The following CNTN3 variants were observed in gnomAD, a reference collection of about 807,000 sequenced individuals.
CNTN3 encodes contactin-3.
In CNTN3, 60 loss-of-function variants were observed where a neutral mutation model predicts 119.1. The observed-to-expected ratio is 0.50, with a 90% CI of 0.41 to 0.62. The LOEUF (loss-of-function observed/expected upper bound fraction) is 0.62, where lower values mean the gene tolerates loss of function less well. Among genes scored for constraint, CNTN3 ranks in the 20% least tolerant of loss-of-function variants. The probability of loss-of-function intolerance (pLI) is 0.00; values close to 1 mark genes in which losing one functional copy is unlikely to be tolerated. For synonymous variants in CNTN3, 450 were observed against 438.7 expected, an observed-to-expected ratio of 1.03 and a Z score of -0.32; for missense variants, 1,101 against 1,242.4, an observed-to-expected ratio of 0.89 and a Z score of 1.71.
chr3:74,351,394 T>C (rs973983834), intron 11 of CNTN3, among the ~76,000 whole-genome samples: 1 of 152,144 alleles, frequency 6.6e-6, no homozygotes, highest in African/African-American at 2.4e-5. Context: ...CCCACGAGGC[T>C]GACTAACTCT....
At chr3:74,303,698 C>T (rs78418044) in intron 13 of CNTN3, among the ~76,000 whole-genome samples, 2,354 of 152,136 alleles carry the variant, frequency 0.015, 60 homozygotes, top group African/African-American at 0.053. Context: ...ACTCTGTCTC[C>T]GCCTCCAAAA....
Position 74,430,280 on chromosome 3 carries a change from C to T in CNTN3, c.359-5340G>A, listed in dbSNP as rs80128329. Among the ~76,000 whole-genome samples the T allele has an allele frequency of 4.1e-4, 62 of 152,296 alleles. No individual in the cohort carries two copies. In the East Asian group the frequency reaches 9.7e-3, roughly 24 times the overall value. ...GTGAATGGCTAAATGCACAGTGCTA[C>T]ATCCATACCATGGAATGCTACCCTG... On this transcript the variant is annotated intron_variant, in intron 4 of 22. Coordinates refer to ENST00000263665, the MANE Select transcript of CNTN3 (RefSeq NM_020872.3).
intron 4 of CNTN3, among the ~76,000 whole-genome samples, chr3:74,467,209 A>G (rs1485687569): frequency 6.6e-6 from 1 of 152,192 alleles, no homozygotes; most frequent in African/African-American, 2.4e-5. Flanking sequence ...AAAAAATGAT[A>G]TTGGATATCT....
intron 4 of CNTN3, among the ~76,000 whole-genome samples, chr3:74,478,851 T>C (rs1351082974): frequency 6.6e-6 from 1 of 152,058 alleles, no homozygotes; most frequent in Non-Finnish European, 1.5e-5. Context: ...GAAGAAAACA[T>C]AAAAGCAACT....
chr3:74,424,412 A>T (rs901865519), intron 5 of CNTN3, among the ~76,000 whole-genome samples: 34 of 144,358 alleles, frequency 2.4e-4, no homozygotes, highest in African/African-American at 7.2e-4. Context: ...TATATATATA[A>T]AATACATATA....
intron 1 of CNTN3, among the ~76,000 whole-genome samples, chr3:74,589,707 C>T (rs922990086): frequency 6.7e-6 from 1 of 150,306 alleles, no homozygotes. Flanking sequence ...GGAACCAACC[C>T]AAATGTCCAA....
chr3:74,533,769 G>A (rs1402322143), intron 1 of CNTN3, among the ~76,000 whole-genome samples: 1 of 151,982 alleles, frequency 6.6e-6, no homozygotes, highest in Non-Finnish European at 1.5e-5. Flanking sequence ...GCAAAAATGA[G>A]GTAATATTTT....
At chr3:74,479,660 C>G (rs4677400) in intron 4 of CNTN3, among the ~76,000 whole-genome samples, 1 of 151,938 alleles carries the variant, frequency 6.6e-6, no homozygotes, top group Admixed American at 6.6e-5. Context: ...CCAAGAAAGA[C>G]GAAGATGTGG....
intron 19 of CNTN3, 137 bp from the exon 20 acceptor site, chr3:74,285,628 A>T: frequency 9.2e-5 from 71 of 772,196 alleles, no homozygotes; most frequent in Admixed American, 1.1e-4. Flanking sequence ...ACTATGTGCT[A>T]GGTGCTGCAT....
At chr3:74,532,055 G>A (rs374132594) in intron 1 of CNTN3, among the ~76,000 whole-genome samples, 2 of 151,900 alleles carry the variant, frequency 1.3e-5, no homozygotes, top group African/African-American at 4.8e-5. Context: ...AGAGGAAAGA[G>A]GAAGGAAGGA....
Position 74,266,531 on chromosome 3 carries a change from T to C in CNTN3, c.2936A>G (p.Asp979Gly), listed in dbSNP as rs1047758261. The C allele has an allele frequency of 3.7e-6, 6 of 1,613,616 alleles. No individual in the cohort carries two copies. Among genetic ancestry groups the C allele is most frequent in the Non-Finnish European group, 4.2e-6 (5 of 1,179,608 alleles). The change falls in exon 22 of 23, where the codon GAT (aspartate) becomes GGT (glycine). Residue 979 changes from aspartate to glycine, a missense_variant. Coordinates refer to ENST00000263665, the MANE Select transcript of CNTN3 (RefSeq NM_020872.3). ...TTCACTACTGGTCCCATCCCCTCCA[T>C]CTGTTGTGGCCTTGACTTCAATAAT... is the stretch of plus-strand genomic sequence containing the variant. Reference protein sequence around the residue: ...DYIIEVKATTDGGDGTSSEQI... With the variant: ...DYIIEVKATTGGGDGTSSEQI...
chr3:74,511,313 A>G (rs1703359480), intron 2 of CNTN3, among the ~76,000 whole-genome samples: 1 of 152,114 alleles, frequency 6.6e-6, no homozygotes, highest in East Asian at 1.9e-4. Flanking sequence ...GGATGTCAGC[A>G]AGAAATTCAC....
chr3:74,319,931 T>C (rs1001970276), intron 13 of CNTN3, among the ~76,000 whole-genome samples: 7 of 152,136 alleles, frequency 4.6e-5, no homozygotes, highest in African/African-American at 1.7e-4. Flanking sequence ...TCACCATCAC[T>C]GGCCATCGGA....
chr3:74,286,715 T>C (rs1053047711), intron 19 of CNTN3, among the ~76,000 whole-genome samples: 6 of 152,200 alleles, frequency 3.9e-5, no homozygotes, highest in African/African-American at 1.4e-4. Context: ...AAATTCACTC[T>C]GAGTTTAGAG....
At chr3:74,339,060 G>A (rs1703466967) in intron 11 of CNTN3, among the ~76,000 whole-genome samples, 2 of 151,952 alleles carry the variant, frequency 1.3e-5, no homozygotes, top group Non-Finnish European at 2.9e-5. Context: ...TTCCTAATGA[G>A]CATGTAATAA....
At chr3:74,450,322 T>G (rs554182180) in intron 4 of CNTN3, among the ~76,000 whole-genome samples, 1 of 152,152 alleles carries the variant, frequency 6.6e-6, no homozygotes, top group Admixed American at 6.6e-5. Flanking sequence ...AAGAAAAATC[T>G]CATACATTAT....
intron 11 of CNTN3, among the ~76,000 whole-genome samples, chr3:74,343,277 A>G (rs754117692): frequency 2.0e-5 from 3 of 152,222 alleles, no homozygotes; most frequent in Non-Finnish European, 4.4e-5. Context: ...TTGCGTGGTA[A>G]AGAGAACAGC....
intron 3 of CNTN3, among the ~76,000 whole-genome samples, chr3:74,488,707 T>G (rs189170629): frequency 6.6e-6 from 1 of 152,304 alleles, no homozygotes; most frequent in Non-Finnish European, 1.5e-5. Context: ...TTCCTTCACA[T>G]ATGACCTCCT....
At chr3:74,519,126 A>T (rs930154352) in intron 2 of CNTN3, among the ~76,000 whole-genome samples, 9 of 151,840 alleles carry the variant, frequency 5.9e-5, no homozygotes, top group African/African-American at 1.2e-4. Context: ...AGAGGAAAAT[A>T]TAAAGTTCAG....
Sources: allele counts gnomAD v4.1 joint callset (sites outside exome capture counted in the v4.1 genomes callset), GRCh38; gene constraint gnomAD v4.1.1; transcripts MANE v1.5; gene names NCBI Gene and HGNC (gene_info 2026-07-23, HGNC 2026-07-21).